The following NFKB1 variants were observed in gnomAD, a reference collection of about 807,000 sequenced individuals.
The protein encoded by NFKB1 is nuclear factor NF-kappa-B p105 subunit.
Under a neutral mutation model 105.1 loss-of-function variants are expected in NFKB1, and 9 were observed. The observed-to-expected ratio is 0.09, with a 90% CI of 0.05 to 0.15. The LOEUF is 0.15. NFKB1 is among the 10% of genes least tolerant of loss of function. NFKB1 has a pLI of 1.00. For synonymous variants in NFKB1, 440 were observed against 442.2 expected (o/e 1.00, Z 0.06); for missense variants, 830 against 1,203.7 (o/e 0.69, Z 4.59).
At chr4:102,596,418 T>A (rs931545748) in intron 14 of NFKB1, 86 bp downstream of exon 14, 1 of 1,075,676 alleles carries the variant, frequency 9.3e-7, no homozygotes. Flanking sequence ...AATCTAAAGA[T>A]GATATATCAA....
chr4:102,530,813 A>G (rs1019224292), intron 3 of NFKB1, among the ~76,000 whole-genome samples: 1 of 152,128 alleles, frequency 6.6e-6, no homozygotes, highest in Non-Finnish European at 1.5e-5. Context: ...TTATATCTTT[A>G]GTATTTCTAG....
rs1231790029 is a variant in NFKB1, at chr4:102,606,480, C to T, written c.1753-16C>T. 1.9e-6 allele frequency: 3 copies of T among 1,612,602 alleles called. No individual in the cohort carries two copies. In the East Asian group the frequency reaches 6.7e-5, roughly 36 times the overall value. On this transcript the variant is annotated splice_polypyrimidine_tract_variant and intron_variant, in intron 16 of 23. Transcript: ENST00000226574. ...TCACTGCTGACCAGTGAATCTCCTG[C>T]CCTTTCACTTTCCAGACGCCCTTGC...
intron 6 of NFKB1, among the ~76,000 whole-genome samples, chr4:102,576,200 T>G (rs1724807348): frequency 6.6e-6 from 1 of 152,140 alleles, no homozygotes; most frequent in South Asian, 2.1e-4. Context: ...ATGACAACTC[T>G]AATGGTCATA....
At chr4:102,558,156 C>A (rs1401419797) in intron 5 of NFKB1, among the ~76,000 whole-genome samples, 1 of 150,028 alleles carries the variant, frequency 6.7e-6, no homozygotes, top group Non-Finnish European at 1.5e-5. Flanking sequence ...AGCCTAATAT[C>A]TGTTAGTTCT....
Position 102,529,859 on chromosome 4 carries a change from G to T in NFKB1, c.63G>T (p.Leu21Phe). ...AGATGTTTCATTTGGATCCTTCTTT[G>T]ACTCATACAATATTTAATCCAGAAG... is the stretch of plus-strand genomic sequence containing the variant. ...PEQMFHLDPSLTHTIFNPEVF... is the reference protein window; with the variant it reads ...PEQMFHLDPSFTHTIFNPEVF... Residue 21 changes from leucine (L) to phenylalanine (F), a missense_variant, in exon 3 of 24, where the codon TTG becomes TTT. This residue lies in a region of NFKB1 where 46 missense variants were observed against 48.3 expected (regional missense o/e 0.95). Transcript: ENST00000226574. 1 of 1,607,622 alleles carries T rather than the reference G, an allele frequency of 6.2e-7. No homozygotes were observed. Among genetic ancestry groups the T allele is most frequent in the South Asian group, 1.1e-5 (1 of 90,544 alleles).
At chr4:102,610,735 G>T (rs963277911) in intron 20 of NFKB1, 36 bp downstream of exon 20, 30 of 1,608,576 alleles carry the variant, frequency 1.9e-5, no homozygotes, top group Non-Finnish European at 2.3e-5. Context: ...GGCTGCCCCT[G>T]AGGGAGTCAG....
intron 5 of NFKB1, among the ~76,000 whole-genome samples, chr4:102,563,819 CTTT>C (rs34134600): frequency 4.0e-5 from 5 of 124,580 alleles, no homozygotes; most frequent in Non-Finnish European, 4.9e-5. Flanking sequence ...AAGCTTAACT[CTTT>C]TTTTTTTTTT....
intron 1 of NFKB1, among the ~76,000 whole-genome samples, chr4:102,515,101 A>ATTTT (rs1320060448): frequency 5.1e-5 from 6 of 117,382 alleles, no homozygotes; most frequent in African/African-American, 9.9e-5. Context: ...TATTATTATT[A>ATTTT]TTATTATTTT....
chr4:102,551,651 G>T (rs1722624883), intron 5 of NFKB1, among the ~76,000 whole-genome samples: 1 of 152,060 alleles, frequency 6.6e-6, no homozygotes, highest in Admixed American at 6.5e-5. Context: ...GTAGTTCAGG[G>T]ATTCACAGCA....
Position 102,607,310 on chromosome 4 carries a change from G to A in NFKB1, c.2115G>A (p.Leu705=). 1.9e-6 allele frequency: 3 copies of A among 1,611,916 alleles called. No individual in the cohort carries two copies. Among genetic ancestry groups the A allele is most frequent in the Non-Finnish European group, 2.5e-6 (3 of 1,178,154 alleles). ...ACAACATCTCATTGGCAGGCTGCCT[G>A]CTCCTGGAGGTGAAGGGCACACTTA... is the stretch of plus-strand genomic sequence containing the variant. ...EHDNISLAGC[L]LLEGDAHVDS... The change falls in exon 18 of 24, where the codon CTG becomes CTA. Residue 705 remains leucine, a synonymous_variant. Coordinates refer to ENST00000226574, the MANE Select transcript of NFKB1 (RefSeq NM_003998.4).
At chr4:102,576,002 G>C (rs1022760212) in intron 6 of NFKB1, among the ~76,000 whole-genome samples, 1 of 152,084 alleles carries the variant, frequency 6.6e-6, no homozygotes, top group Non-Finnish European at 1.5e-5. Flanking sequence ...TTGTTTGCCT[G>C]TTATATTTAT....
chr4:102,522,110 G>A (rs2149109548), intron 1 of NFKB1, among the ~76,000 whole-genome samples: 1 of 152,318 alleles, frequency 6.6e-6, no homozygotes, highest in East Asian at 1.9e-4. Context: ...GGGGAACAGG[G>A]AGGTAGAAGG....
chr4:102,560,614 T>G (rs1433738364), intron 5 of NFKB1, among the ~76,000 whole-genome samples: 1 of 152,154 alleles, frequency 6.6e-6, no homozygotes, highest in African/African-American at 2.4e-5. Context: ...CAAAGAGGAT[T>G]TTTTTCATGC....
At chr4:102,524,256 A>G (rs911132375) in intron 1 of NFKB1, among the ~76,000 whole-genome samples, 3 of 152,148 alleles carry the variant, frequency 2.0e-5, no homozygotes, top group African/African-American at 7.2e-5. Context: ...CCTTGCTTCT[A>G]TCAGGGAGGG....
At chr4:102,535,848 T>C (rs1023676296) in intron 4 of NFKB1, among the ~76,000 whole-genome samples, 4 of 152,086 alleles carry the variant, frequency 2.6e-5, no homozygotes, top group Non-Finnish European at 5.9e-5. Flanking sequence ...AAAGGAATTT[T>C]GTGATTAAAG....
chr4:102,532,337 T>G (rs544814237), intron 3 of NFKB1, among the ~76,000 whole-genome samples: 151 of 152,250 alleles, frequency 9.9e-4, no homozygotes, highest in African/African-American at 3.4e-3. Context: ...AAGATAAAAA[T>G]AAATTCTCTG....
chr4:102,615,963 A>G (rs1380362123), intron 23 of NFKB1, among the ~76,000 whole-genome samples: 1 of 152,212 alleles, frequency 6.6e-6, no homozygotes, highest in Non-Finnish European at 1.5e-5. Context: ...TTTTATTGCT[A>G]CCAAAAATGT....
chr4:102,546,355 T>C (rs1722140181), intron 5 of NFKB1, among the ~76,000 whole-genome samples: 1 of 152,076 alleles, frequency 6.6e-6, no homozygotes, highest in African/African-American at 2.4e-5. Flanking sequence ...AGGAGCTCTA[T>C]GGGAGACAGT....
At chr4:102,558,247 T>C (rs2149154869) in intron 5 of NFKB1, among the ~76,000 whole-genome samples, 1 of 152,202 alleles carries the variant, frequency 6.6e-6, no homozygotes, top group East Asian at 1.9e-4. Flanking sequence ...TGTGGCAATG[T>C]GTTCTCATCA....
Sources: gnomAD v4.1 joint callset for allele counts (sites outside exome capture counted in the v4.1 genomes callset) on GRCh38, gnomAD v4.1.1 for gene constraint, gnomAD v4.1.1 regional missense constraint, MANE v1.5 for transcripts, NCBI Gene and HGNC (gene_info 2026-07-23, HGNC 2026-07-21) for gene names.